The following ADAMTSL3 variants were observed in gnomAD, a reference collection of about 807,000 sequenced individuals.
ADAMTSL3 encodes ADAMTS like 3.
ADAMTSL3 carries 128 observed loss-of-function variants against 201.7 expected under a neutral mutation model. The ratio of observed to expected loss-of-function variants is 0.63; its 90% confidence interval spans 0.55 to 0.73. ADAMTSL3 has a LOEUF of 0.73. ADAMTSL3 is among the 30% of genes least tolerant of loss of function. The pLI is 0.00. For missense variants in ADAMTSL3, 1,990 were observed against 2,119.6 expected (o/e 0.94, Z 1.20); for synonymous variants, 738 against 748.4 (o/e 0.99, Z 0.23).
rs571860603 is a variant in ADAMTSL3, at chr15:83,767,188, T to C, written c.190-6335T>C. Among the ~76,000 whole-genome samples, 3 of 152,348 alleles carry C rather than the reference T, an allele frequency of 2.0e-5. No homozygotes were observed. In the East Asian group the frequency reaches 5.8e-4, roughly 29 times the overall value. ...CCTGCAAAATGGGGATGGTGATATC[T>C]ATCTTAAAGGGCTTGCTGAGAAGGT... On this transcript the variant is annotated intron_variant, in intron 3 of 29. Transcript: ENST00000286744.
chr15:83,854,514 C>T (rs2064690229), intron 7 of ADAMTSL3, among the ~76,000 whole-genome samples: 1 of 152,184 alleles, frequency 6.6e-6, no homozygotes, highest in African/African-American at 2.4e-5. Flanking sequence ...GTATTACTCA[C>T]ACAGGTGGTG....
rs536079927 is a variant in ADAMTSL3 at position 83,885,544 on chromosome 15, A to G, written c.1072+332A>G. 5.9e-5 allele frequency among the ~76,000 whole-genome samples: 9 copies of G among 152,054 alleles called. No homozygotes were observed. In the East Asian group the frequency reaches 1.5e-3, roughly 26 times the overall value. ...AAGTACGTATTATTTTTAATTTTCTATGAAAAATCTGAGAAGCAGAAAGAT... is the reference window on the plus strand; with the variant it reads ...AAGTACGTATTATTTTTAATTTTCTGTGAAAAATCTGAGAAGCAGAAAGAT... On this transcript the variant is annotated intron_variant, in intron 10 of 29. Transcript: ENST00000286744.
chr15:83,755,640 A>G (rs967680941), intron 3 of ADAMTSL3, among the ~76,000 whole-genome samples: 1 of 152,094 alleles, frequency 6.6e-6, no homozygotes, highest in Non-Finnish European at 1.5e-5. Flanking sequence ...TGTGTACACT[A>G]TATTTTGCTT....
At chr15:83,958,924 G>A (rs765596922) in intron 19 of ADAMTSL3, among the ~76,000 whole-genome samples, 1 of 151,892 alleles carries the variant, frequency 6.6e-6, no homozygotes, top group Non-Finnish European at 1.5e-5. Flanking sequence ...AATAAAAGGA[G>A]GGAAATGACA....
chr15:83,915,014 C>T (rs2066008185), intron 16 of ADAMTSL3, among the ~76,000 whole-genome samples: 1 of 152,136 alleles, frequency 6.6e-6, no homozygotes, highest in Non-Finnish European at 1.5e-5. Flanking sequence ...AGATGGTCCC[C>T]TATTCAGTCA....
rs539155820 is a variant in ADAMTSL3 at position 83,851,155 on chromosome 15, TATC to T, written c.728-7609_728-7607del. On this transcript the variant is annotated intron_variant, in intron 7 of 29. Coordinates refer to ENST00000286744, the MANE Select transcript of ADAMTSL3 (RefSeq NM_207517.3). ...TTTGGGAAGTACTGCCTTATCAGCG[TATC>T]ACAGAGACTTCTACAAATGTATGAA... 3.0e-3 allele frequency among the ~76,000 whole-genome samples: 463 copies of T among 152,332 alleles called. 3 individuals are homozygous for T. Among genetic ancestry groups the T allele is most frequent in the Non-Finnish European group, 2.5e-3 (169 of 68,034 alleles).
At chr15:83,754,646 A>G (rs969996983) in intron 3 of ADAMTSL3, among the ~76,000 whole-genome samples, 1 of 152,244 alleles carries the variant, frequency 6.6e-6, no homozygotes, top group African/African-American at 2.4e-5. Context: ...CACATACACA[A>G]ACAGGGTTTT....
chr15:83,920,620 C>T (rs1274594887), intron 16 of ADAMTSL3, among the ~76,000 whole-genome samples: 1 of 152,056 alleles, frequency 6.6e-6, no homozygotes, highest in East Asian at 1.9e-4. Flanking sequence ...AAATATGATC[C>T]TAGGCCTGTG....
At chr15:84,020,637 A>G (rs1233285417) in intron 25 of ADAMTSL3, among the ~76,000 whole-genome samples, 1 of 152,242 alleles carries the variant, frequency 6.6e-6, no homozygotes, top group African/African-American at 2.4e-5. Flanking sequence ...GTAGCTATTA[A>G]TTACTTGTAA....
At chr15:83,736,764 AG>A (rs2062375043) in intron 3 of ADAMTSL3, among the ~76,000 whole-genome samples, 1 of 152,240 alleles carries the variant, frequency 6.6e-6, no homozygotes, top group South Asian at 2.1e-4. Context: ...AGGTAGCCAG[AG>A]ACCTCTAGGA....
In ADAMTSL3 at chr15:83,762,891, CTT is replaced by C. The variant is rs11352885; in HGVS notation, c.190-10620_190-10619del. 2.0e-3 allele frequency among the ~76,000 whole-genome samples: 290 copies of C among 143,358 alleles called. 1 individual carries two copies. Among genetic ancestry groups the C allele is most frequent in the East Asian group, 3.1e-3 (15 of 4,856 alleles). 94.0% of individuals were successfully genotyped at this position (143,358 alleles called of 152,430 possible). A position where few individuals can be genotyped will look rare whatever the true frequency, so the allele number is the denominator to read the frequency against. ...AATATACATGTCTTTTGATTTACTT[CTT>C]TTTTTTTTTTTGAGATAGAGTCTCA... is the stretch of plus-strand genomic sequence containing the variant. On this transcript the variant is annotated intron_variant, in intron 3 of 29. Transcript: ENST00000286744.
intron 10 of ADAMTSL3, among the ~76,000 whole-genome samples, chr15:83,886,120 C>G (rs575821418): frequency 6.6e-6 from 1 of 152,144 alleles, no homozygotes; most frequent in Non-Finnish European, 1.5e-5. Flanking sequence ...TTTCATGCTC[C>G]GGTGGAAGAT....
intron 3 of ADAMTSL3, among the ~76,000 whole-genome samples, chr15:83,752,488 T>TACAC (rs762265955): frequency 6.6e-6 from 1 of 151,346 alleles, no homozygotes; most frequent in African/African-American, 2.4e-5. Context: ...TGCTTATGCA[T>TACAC]ACACACACAC....
At chr15:84,034,976 T>C (rs1266363427) in intron 28 of ADAMTSL3, among the ~76,000 whole-genome samples, 1 of 152,208 alleles carries the variant, frequency 6.6e-6, no homozygotes, top group Non-Finnish European at 1.5e-5. Flanking sequence ...GGCTCAGGTG[T>C]CTCTGTCCTG....
chr15:83,694,588 G>A (rs1349504187), intron 2 of ADAMTSL3, among the ~76,000 whole-genome samples: 1 of 152,152 alleles, frequency 6.6e-6, no homozygotes, highest in East Asian at 1.9e-4. Context: ...AAATTTTTGG[G>A]GGGCGGGCTC....
At chr15:83,667,796 T>A (rs1549464) in intron 2 of ADAMTSL3, among the ~76,000 whole-genome samples, 1 of 151,944 alleles carries the variant, frequency 6.6e-6, no homozygotes, top group East Asian at 1.9e-4. Context: ...GATTGTCCAT[T>A]TGTACAAAAC....
intron 2 of ADAMTSL3, among the ~76,000 whole-genome samples, chr15:83,696,998 G>C (rs755778376): frequency 6.6e-6 from 1 of 152,170 alleles, no homozygotes; most frequent in South Asian, 2.1e-4. Flanking sequence ...TTCTGTAGAC[G>C]TTAGCGGTGT....
chr15:83,986,915 G>A (rs1327751460), intron 21 of ADAMTSL3, among the ~76,000 whole-genome samples: 1 of 152,182 alleles, frequency 6.6e-6, no homozygotes, highest in African/African-American at 2.4e-5. Context: ...TCAACCTGGT[G>A]GTTCTCCAGC....
chr15:84,005,010 AACTG>A (rs1206735408), intron 23 of ADAMTSL3, among the ~76,000 whole-genome samples: 1 of 152,164 alleles, frequency 6.6e-6, no homozygotes, highest in Non-Finnish European at 1.5e-5. Context: ...GAGCTAAGAA[AACTG>A]ACTCTTACTC....
Sources: allele counts gnomAD v4.1 joint callset (sites outside exome capture counted in the v4.1 genomes callset), GRCh38; gene constraint gnomAD v4.1.1; transcripts MANE v1.5; gene names NCBI Gene and HGNC (gene_info 2026-07-23, HGNC 2026-07-21).